The following RIC8A variants were observed in gnomAD, a reference collection of about 807,000 sequenced individuals.
The protein encoded by RIC8A is chaperone Ric-8A.
Under a neutral mutation model 48.4 loss-of-function variants are expected in RIC8A, and 37 were observed. The observed-to-expected ratio is 0.77, with a 90% CI of 0.59 to 1.01. The LOEUF is 1.01. Among genes scored for constraint, RIC8A ranks in the 50% least tolerant of loss-of-function variants. The pLI, the probability that RIC8A is intolerant of heterozygous loss-of-function variation, is 0.00. For synonymous variants in RIC8A, 288 were observed against 283.4 expected (o/e 1.02, Z -0.16); for missense variants, 681 against 696.8 (o/e 0.98, Z 0.25).
chr11:213,327 G>A lies in RIC8A; in HGVS notation c.1384G>A (p.Glu462Lys), dbSNP rs150182856. 2.9e-5 allele frequency: 47 copies of A among 1,614,000 alleles called. No homozygotes were observed. The African/African-American group carries it at 5.3e-4, about 18-fold the overall frequency. Residue 462 changes from glutamate to lysine, a missense_variant, in exon 9 of 10, where the codon GAG (glutamate) becomes AAG (lysine). Physicochemically the swap from Glu to Lys is moderately conservative, Grantham distance 56 (BLOSUM62 1). Transcript: ENST00000526104. ...AAACCCTGTGACCGGGAGGGTGGAG[G>A]AGAAGCCGCCTAACCCTATGGAGGG... ...SINPVTGRVE[E>K]KPPNPMEGMT...
At position 212,453 on chromosome 11, in the gene RIC8A, G is replaced by C. The variant is rs1334411147; in HGVS notation, c.1007G>C (p.Ser336Thr). The change falls in exon 6 of 10, where the codon AGC becomes ACC. Residue 336 changes from serine (S) to threonine (T), a missense_variant. Coordinates refer to ENST00000526104, the MANE Select transcript of RIC8A (RefSeq NM_001286134.2). Reference sequence around the variant, plus strand: ...AAGGAGAGTGTAGCTCCCGTGCTGAGCGTGCTGACTGAATGTGCCCGGATG... The same window carrying C: ...AAGGAGAGTGTAGCTCCCGTGCTGACCGTGCTGACTGAATGTGCCCGGATG... ...RLKESVAPVLSVLTECARMHR... is the reference protein window; with the variant it reads ...RLKESVAPVLTVLTECARMHR... 3.1e-6 allele frequency: 5 copies of C among 1,613,900 alleles called. No individual in the cohort carries two copies. The highest frequency in any genetic ancestry group is 4.2e-6 in the Non-Finnish European group (5 of 1,180,000).
Position 208,881 on chromosome 11 carries a change from C to T in RIC8A, c.27C>T (p.Ala9=), listed in dbSNP as rs768143143. The stretch of plus-strand genomic sequence containing the variant: ...TGGAGCCCCGGGCGGTTGCAGAAGC[C>T]GTGGAGACGGGTGAGGAGGATGTGA... MEPRAVAE[A]VETGEEDVIM... The change falls in exon 1 of 10, where the codon GCC becomes GCT. Residue 9 remains alanine (A), a synonymous_variant. Transcript: ENST00000526104. This position sits in a 1 kb window ranked among gnomAD's most constrained non-coding sequence, Gnocchi z 4.8. The T allele has an allele frequency of 3.7e-6, 6 of 1,608,468 alleles. No individual in the cohort carries two copies. The highest frequency in any genetic ancestry group is 1.7e-4 in the Middle Eastern group (1 of 5,964).
rs201331095 is a variant in RIC8A at position 208,840 on chromosome 11, C to T, written c.-15C>T. 8.0e-5 allele frequency: 128 copies of T among 1,604,654 alleles called. 1 individual carries two copies. In the East Asian group the frequency reaches 2.8e-3, roughly 35 times the overall value. On this transcript the variant is annotated 5_prime_UTR_variant, in exon 1 of 10. Coordinates refer to ENST00000526104, the MANE Select transcript of RIC8A (RefSeq NM_001286134.2). This position sits in a 1 kb window ranked among gnomAD's most constrained non-coding sequence, Gnocchi z 4.8. ...ACGGCTGAGGAAGGGCCCGTCCCGC[C>T]TTCCCCGGCGCGCCATGGAGCCCCG... is the stretch of plus-strand genomic sequence containing the variant.
chr11:212,843 G>A lies in RIC8A; in HGVS notation c.1217G>A (p.Arg406Gln), dbSNP rs777880292. 12 of 1,604,964 alleles carry A rather than the reference G, an allele frequency of 7.5e-6. No individual in the cohort carries two copies. The highest frequency in any genetic ancestry group is 6.7e-5 in the Admixed American group (4 of 59,508). Residue 406 changes from arginine (R) to glutamine (Q), a missense_variant, in exon 8 of 10, where the codon CGA (arginine) becomes CAA (glutamine). Coordinates refer to ENST00000526104, the MANE Select transcript of RIC8A (RefSeq NM_001286134.2). Reference sequence around the variant, plus strand: ...CCTCTGCCTTGCCCCTCAGTGCCCCGATTCATCAAGTACACAGGCTATGGG... The same window carrying A: ...CCTCTGCCTTGCCCCTCAGTGCCCCAATTCATCAAGTACACAGGCTATGGG... ...LFVLCSESVP[R>Q]FIKYTGYGNA... is the part of the protein sequence containing the mutation.
chr11:212,231 C>T (rs1855377769), intron 5 of RIC8A, 185 bp from the exon 6 acceptor site: 5 of 607,370 alleles, frequency 8.2e-6, no homozygotes, highest in Non-Finnish European at 1.5e-5. Context: ...TCAAAAGTGA[C>T]ACAGACACCC....
intron 3 of RIC8A, 99 bp downstream of exon 3, chr11:210,099 C>T: frequency 9.4e-7 from 1 of 1,065,748 alleles, no homozygotes; most frequent in Non-Finnish European, 1.3e-6. Context: ...GGGTGTCAGA[C>T]ATGGAGAGGA....
chr11:210,034 A>G (rs957347640), intron 3 of RIC8A, 34 bp downstream of exon 3: 1 of 1,503,438 alleles, frequency 6.7e-7, no homozygotes, highest in Non-Finnish European at 9.0e-7. Context: ...GATGGGTCTC[A>G]ACTCAGCTCC....
intron 5 of RIC8A, chr11:212,196 G>A (rs1460198192): frequency 1.1e-5 from 6 of 569,868 alleles, no homozygotes; most frequent in African/African-American, 5.6e-5. Flanking sequence ...GAGTACCTCT[G>A]AGTTACGCTC....
Position 211,188 on chromosome 11 carries a change from T to G in RIC8A, c.819-11T>G. The G allele has an allele frequency of 1.2e-6, 2 of 1,610,002 alleles. No individual in the cohort carries two copies. Among genetic ancestry groups the G allele is most frequent in the Non-Finnish European group, 1.7e-6 (2 of 1,177,804 alleles). ...AGCCCTGTTGAAACCCCTACCTCCA[T>G]CTGTCCCCAGCCACGCAGTGAACCT... is the stretch of plus-strand genomic sequence containing the variant. On this transcript the variant is annotated splice_polypyrimidine_tract_variant and intron_variant, in intron 4 of 9. Transcript: ENST00000526104. This position sits in a 1 kb window ranked among gnomAD's most constrained non-coding sequence, Gnocchi z 4.0.
intron 9 of RIC8A, chr11:213,900 T>C (rs952567404): frequency 2.5e-5 from 8 of 325,436 alleles, no homozygotes; most frequent in African/African-American, 1.5e-4. Context: ...TGAGCTGACA[T>C]TGTGCCACCG....
intron 3 of RIC8A, 59 bp downstream of exon 3, chr11:210,059 C>A: frequency 7.2e-7 from 1 of 1,385,480 alleles, no homozygotes; most frequent in South Asian, 1.4e-5. Flanking sequence ...TTTCCTGGAC[C>A]TGCTTCCTAC....
chr11:208,719 A>G lies in RIC8A; in HGVS notation c.-136A>G. 1.7e-6 allele frequency: 1 copy of G among 587,916 alleles called. No individual in the cohort carries two copies. The highest frequency in any genetic ancestry group is 2.8e-6 in the Non-Finnish European group (1 of 352,418). The allele number at this position is 587,916 out of a possible 1,614,324, so 36.4% of individuals were successfully genotyped here. ...GCGCCACCAGACGCTGCGCCCCGTT[A>G]AAGCGCCACCAGACGCCGCGCCCCG... On this transcript the variant is annotated 5_prime_UTR_variant, in exon 1 of 10. Transcript: ENST00000526104. This position sits in a 1 kb window ranked among gnomAD's most constrained non-coding sequence, Gnocchi z 4.8.
chr11:210,935 T>C, intron 4 of RIC8A: 1 of 604,966 alleles, frequency 1.7e-6, no homozygotes, highest in South Asian at 2.0e-5. Flanking sequence ...TGGTCTGGGT[T>C]TCCAGAGATG....
At chr11:213,577 C>G (rs1269484108) in intron 9 of RIC8A, 159 bp downstream of exon 9, 1 of 943,718 alleles carries the variant, frequency 1.1e-6, no homozygotes, top group East Asian at 2.8e-5. Flanking sequence ...GGAGGAAATC[C>G]CCCAGGGGAT....
chr11:213,146 G>C, intron 8 of RIC8A, 153 bp from the exon 9 acceptor site: 1 of 1,369,308 alleles, frequency 7.3e-7, no homozygotes. Context: ...GAAGGTGGCA[G>C]ATGGCAGGAG....
rs1419378425 is a variant in RIC8A at position 212,596 on chromosome 11, G to A, written c.1066-19G>A. 1 of 1,613,660 alleles carries A rather than the reference G, an allele frequency of 6.2e-7. No individual in the cohort carries two copies. ...CTTGGCTGCTCTAAGCCCAAGCTTAGGGATGGCCACCTCCCCAGGTGCTGC... is the reference window on the plus strand; with the variant it reads ...CTTGGCTGCTCTAAGCCCAAGCTTAAGGATGGCCACCTCCCCAGGTGCTGC... On this transcript the variant is annotated intron_variant, in intron 6 of 9. Coordinates refer to ENST00000526104, the MANE Select transcript of RIC8A (RefSeq NM_001286134.2).
At chr11:213,482 T>C (rs1161277466) in intron 9 of RIC8A, 64 bp downstream of exon 9, 1 of 1,545,288 alleles carries the variant, frequency 6.5e-7, no homozygotes, top group Non-Finnish European at 8.7e-7. Flanking sequence ...ACATCCTGTC[T>C]TGTGAGCCCC....
rs777121240 is a variant in RIC8A at position 210,676 on chromosome 11, T to G, written c.818+14T>G. On this transcript the variant is annotated intron_variant, in intron 4 of 9. Transcript: ENST00000526104. ...GGAGTTCCACGGGTGAGAATGGGGC[T>G]TTTTCTGGGAGGGAAGTGTGCCCAC... The G allele has an allele frequency of 5.6e-6, 9 of 1,612,406 alleles. No homozygotes were observed. The highest frequency in any genetic ancestry group is 6.8e-6 in the Non-Finnish European group (8 of 1,178,574).
chr11:209,894 A>AC lies in RIC8A; in HGVS notation c.626dup (p.Pro210ThrfsTer10), dbSNP rs3832797. 1.2e-6 allele frequency: 2 copies of AC among 1,609,626 alleles called. No individual in the cohort carries two copies. Among genetic ancestry groups the AC allele is most frequent in the South Asian group, 1.1e-5 (1 of 91,062 alleles). Reference sequence around the variant, plus strand: ...ACGCTGGGGGTGACTCCTGAAGGGAACCCCCCACCCACGCTCCTTCCTTCC... The same window carrying AC: ...ACGCTGGGGGTGACTCCTGAAGGGAACCCCCCCACCCACGCTCCTTCCTTCC... On this transcript the variant is annotated frameshift_variant, in exon 3 of 10. Coordinates refer to ENST00000526104, the MANE Select transcript of RIC8A (RefSeq NM_001286134.2). LOFTEE classifies it high-confidence loss of function.
Sources: gnomAD v4.1 joint callset for allele counts on GRCh38, gnomAD v4.1.1 for gene constraint, Gnocchi (gnomAD v3.1) non-coding constraint, MANE v1.5 for transcripts, NCBI Gene and HGNC (gene_info 2026-07-23, HGNC 2026-07-21) for gene names.